ZYG11B: variants seen among roughly 807,000 people sequenced by gnomAD.
The protein encoded by ZYG11B is zyg-11 family member B, cell cycle regulator.
A neutral mutation model predicts 82.4 loss-of-function variants in ZYG11B; 36 were observed. That is an observed-to-expected ratio of 0.44 (90% CI 0.33 to 0.58). The LOEUF (loss-of-function observed/expected upper bound fraction) is 0.58. Ranked by LOEUF, ZYG11B falls within the 20% of genes least tolerant of loss-of-function variation. The pLI is 0.02. For missense variants in ZYG11B, 552 were observed against 895.6 expected, an observed-to-expected ratio of 0.62 and a Z score of 4.90; for synonymous variants, 303 against 312.8, an observed-to-expected ratio of 0.97 and a Z score of 0.33.
At chr1:52,783,838 A>ATATGTACATACACGTGTGTGCG (rs1644880708) in intron 4 of ZYG11B, among the ~76,000 whole-genome samples, 8 of 101,764 alleles carry the variant, frequency 7.9e-5, no homozygotes, top group African/African-American at 3.0e-4. Flanking sequence ...ATACGTGTGT[A>ATATGTACATACACGTGTGTGCG]TATGTACATA....
chr1:52,803,768 ATTTG>A (rs1645118743), intron 10 of ZYG11B, among the ~76,000 whole-genome samples: 1 of 151,918 alleles, frequency 6.6e-6, no homozygotes, highest in African/African-American at 2.4e-5. Flanking sequence ...TGCCCAGCTT[ATTTG>A]TTTATTTATT....
intron 1 of ZYG11B, among the ~76,000 whole-genome samples, chr1:52,732,930 C>T (rs916295415): frequency 1.3e-5 from 2 of 151,290 alleles, no homozygotes; most frequent in Admixed American, 6.6e-5. Flanking sequence ...AAGCTGAGAT[C>T]GAGCCATTGC....
chr1:52,799,508 G>GA (rs909665322), intron 8 of ZYG11B, among the ~76,000 whole-genome samples: 5 of 146,602 alleles, frequency 3.4e-5, no homozygotes, highest in African/African-American at 1.3e-4. Flanking sequence ...ACAAAAGAAA[G>GA]AAAAAAATAG....
chr1:52,800,752 G>T (rs752732043), intron 8 of ZYG11B, among the ~76,000 whole-genome samples: 1 of 152,122 alleles, frequency 6.6e-6, no homozygotes, highest in Non-Finnish European at 1.5e-5. Context: ...GGAGGTCGCA[G>T]TGAGCTGAGA....
At chr1:52,786,750 C>T (rs762263104) in intron 5 of ZYG11B, among the ~76,000 whole-genome samples, 2 of 152,108 alleles carry the variant, frequency 1.3e-5, no homozygotes, top group Non-Finnish European at 2.9e-5. Context: ...CACTGTACTC[C>T]AGCCTGTGCA....
chr1:52,766,999 T>A (rs1416743039), intron 2 of ZYG11B, among the ~76,000 whole-genome samples: 1 of 133,614 alleles, frequency 7.5e-6, no homozygotes, highest in Non-Finnish European at 1.6e-5. Context: ...AAAGCGAGAC[T>A]CCGTCTCAAA....
chr1:52,776,829 C>T (rs1298999027), intron 3 of ZYG11B, among the ~76,000 whole-genome samples: 1 of 151,464 alleles, frequency 6.6e-6, no homozygotes, highest in African/African-American at 2.4e-5. Context: ...TATTAAATAC[C>T]CATTTGTATA....
chr1:52,734,020 A>T (rs1010888383), intron 1 of ZYG11B, among the ~76,000 whole-genome samples: 2 of 152,130 alleles, frequency 1.3e-5, no homozygotes, highest in Non-Finnish European at 2.9e-5. Flanking sequence ...TTTCATAGTG[A>T]CAGGGTCTTG....
At chr1:52,730,826 C>G (rs1200321443) in intron 1 of ZYG11B, among the ~76,000 whole-genome samples, 1 of 135,642 alleles carries the variant, frequency 7.4e-6, no homozygotes, top group Non-Finnish European at 1.6e-5. Context: ...GCCTGGGCAA[C>G]AGAGCGAGAC....
At chr1:52,790,673 G>A (rs1473476248) in intron 6 of ZYG11B, among the ~76,000 whole-genome samples, 1 of 130,084 alleles carries the variant, frequency 7.7e-6, no homozygotes, top group East Asian at 2.7e-4. Context: ...AGCCAAGATC[G>A]CGCCATTGCA....
chr1:52,754,290 G>A (rs964845545), intron 1 of ZYG11B: 1 of 152,316 alleles, frequency 6.6e-6, no homozygotes, highest in African/African-American at 2.4e-5. Flanking sequence ...CTCCCAAAGT[G>A]TTGGGAGGCC....
At chr1:52,751,918 C>A (rs893070715) in intron 1 of ZYG11B, among the ~76,000 whole-genome samples, 2 of 151,628 alleles carry the variant, frequency 1.3e-5, no homozygotes, top group Admixed American at 6.6e-5. Context: ...AAACTGTTTT[C>A]TCCTACTGTA....
chr1:52,770,131 AC>A (rs1186918500), intron 2 of ZYG11B, among the ~76,000 whole-genome samples: 2 of 141,742 alleles, frequency 1.4e-5, no homozygotes, highest in Non-Finnish European at 3.0e-5. Flanking sequence ...TCACTCTGTC[AC>A]CCAGGCTGGT....
intron 5 of ZYG11B, among the ~76,000 whole-genome samples, chr1:52,787,386 A>G (rs80169052): frequency 0.014 from 2,168 of 152,348 alleles, 58 homozygotes; most frequent in African/African-American, 0.05. Flanking sequence ...ATGTTTTGAT[A>G]AAAAGCAAGG....
intron 1 of ZYG11B, among the ~76,000 whole-genome samples, chr1:52,734,084 G>A (rs1644357784): frequency 6.6e-6 from 1 of 152,026 alleles, no homozygotes; most frequent in Non-Finnish European, 1.5e-5. Flanking sequence ...CTATAACCAT[G>A]AACTCCTGGG....
chr1:52,800,585 G>C (rs1471693382), intron 8 of ZYG11B, among the ~76,000 whole-genome samples: 2 of 152,022 alleles, frequency 1.3e-5, no homozygotes, highest in Non-Finnish European at 2.9e-5. Flanking sequence ...GGGGTGGGTG[G>C]ATTACCTGAG....
At chr1:52,795,734 C>T (rs944260063) in intron 6 of ZYG11B, among the ~76,000 whole-genome samples, 3 of 152,002 alleles carry the variant, frequency 2.0e-5, no homozygotes, top group African/African-American at 7.2e-5. Context: ...TATTTTTTTC[C>T]GTAGCATATG....
At chr1:52,814,783 A>T (rs767487945) in intron 12 of ZYG11B, among the ~76,000 whole-genome samples, 9 of 152,214 alleles carry the variant, frequency 5.9e-5, no homozygotes, top group Non-Finnish European at 1.2e-4. Context: ...AAGGAGAGGC[A>T]GGAGATTTTT....
At chr1:52,742,823 C>CA (rs1644442257) in intron 1 of ZYG11B, among the ~76,000 whole-genome samples, 2 of 144,830 alleles carry the variant, frequency 1.4e-5, no homozygotes, top group African/African-American at 5.1e-5. Flanking sequence ...GCCTGGGCGA[C>CA]AGAGCGAGCC....
Sources: gnomAD v4.1 joint callset for allele counts (sites outside exome capture counted in the v4.1 genomes callset) on GRCh38, gnomAD v4.1.1 for gene constraint, MANE v1.5 for transcripts, NCBI Gene and HGNC (gene_info 2026-07-23, HGNC 2026-07-21) for gene names.